Variants in FLNB observed in about 807,000 individuals in gnomAD.
The protein encoded by FLNB is filamin-B.
FLNB carries 111 observed loss-of-function variants against 250.6 expected under a neutral mutation model. That is an observed-to-expected ratio of 0.44 (90% CI 0.38 to 0.52). The LOEUF (loss-of-function observed/expected upper bound fraction) is 0.52, where lower values mean the gene tolerates loss of function less well. Ranked by LOEUF, FLNB falls within the 20% of genes least tolerant of loss-of-function variation. The pLI is 0.00. For synonymous variants in FLNB, 1,302 were observed against 1,372.1 expected, an observed-to-expected ratio of 0.95 and a Z score of 1.13; for missense variants, 2,869 against 3,447.8, an observed-to-expected ratio of 0.83 and a Z score of 4.20.
At chr3:58,082,519 T>C (rs6768856) in intron 4 of FLNB, among the ~76,000 whole-genome samples, 69,756 of 151,858 alleles carry the variant, frequency 0.46, 18,160 homozygotes, top group East Asian at 0.98. Flanking sequence ...GCCTATAATC[T>C]CAGCACTTTG....
chr3:58,147,042 C>A lies in FLNB; in HGVS notation c.5728+49C>A, dbSNP rs781012054. Reference sequence around the variant, plus strand: ...TCTTCCTCGTGGGAAGTATGGCTGCCTCTGACTGCCACCCTCCTTATCAGA... The same window carrying A: ...TCTTCCTCGTGGGAAGTATGGCTGCATCTGACTGCCACCCTCCTTATCAGA... On this transcript the variant is annotated intron_variant, in intron 34 of 45. Coordinates refer to ENST00000295956, the MANE Select transcript of FLNB (RefSeq NM_001457.4). 6.3e-6 allele frequency: 10 copies of A among 1,588,226 alleles called. No homozygotes were observed. In the African/African-American group the frequency reaches 1.3e-4, roughly 21 times the overall value.
At chr3:58,136,209 C>G (rs755762932) in intron 28 of FLNB, 41 bp downstream of exon 28, 74 of 1,600,896 alleles carry the variant, frequency 4.6e-5, no homozygotes, top group Non-Finnish European at 6.2e-5. Flanking sequence ...ACAGGCTTTG[C>G]AATCAGAAAG....
chr3:58,153,579 G>T lies in FLNB; in HGVS notation c.6572G>T (p.Gly2191Val), dbSNP rs571337462. ...TTCACCGTGGGGCCACTTGGTGAAG[G>T]AGGCGCCCACAAGGTGCGGGCAGGA... is the stretch of plus-strand genomic sequence containing the variant. The part of the protein sequence containing the change: ...FQFTVGPLGE[G>V]GAHKVRAGGP... The change falls in exon 39 of 46, where the codon GGA becomes GTA. Residue 2191 changes from glycine (G) to valine (V), a missense_variant. Transcript: ENST00000295956. 6.2e-7 allele frequency: 1 copy of T among 1,614,158 alleles called. No homozygotes were observed. Among genetic ancestry groups the T allele is most frequent in the Non-Finnish European group, 8.5e-7 (1 of 1,180,040 alleles).
intron 45 of FLNB, among the ~76,000 whole-genome samples, chr3:58,170,174 A>G (rs973541934): frequency 1.3e-5 from 2 of 152,186 alleles, no homozygotes; most frequent in African/African-American, 4.8e-5. Flanking sequence ...TCTCGGAAGT[A>G]CCTTCCTTAA....
At position 58,008,539 on chromosome 3, in the gene FLNB, C is replaced by A. The variant is rs879383523; in HGVS notation, c.-26C>A. On this transcript the variant is annotated 5_prime_UTR_variant, in exon 1 of 46. Transcript: ENST00000295956. ...AACACCAGTCCCCGGCAGCTCGTTG[C>A]GCATTGCGCTCTCCCCGCCACCAGG... The A allele has an allele frequency of 1.3e-6, 2 of 1,566,072 alleles. No homozygotes were observed. Among genetic ancestry groups the A allele is most frequent in the African/African-American group, 1.4e-5 (1 of 73,664 alleles).
At chr3:58,156,096 C>T in intron 41 of FLNB, 21 bp downstream of exon 41, 1 of 1,587,304 alleles carries the variant, frequency 6.3e-7, no homozygotes, top group East Asian at 2.2e-5. Context: ...AGGAAGCATC[C>T]ATCTCCTTGG....
At chr3:58,038,777 T>G (rs1204787356) in intron 1 of FLNB, among the ~76,000 whole-genome samples, 1 of 152,094 alleles carries the variant, frequency 6.6e-6, no homozygotes, top group Admixed American at 6.6e-5. Context: ...CAGTTACTAC[T>G]TGCAGGCATC....
chr3:58,097,831 C>T lies in FLNB; in HGVS notation c.1001C>T (p.Ala334Val). The T allele has an allele frequency of 6.2e-7, 1 of 1,613,990 alleles. No individual in the cohort carries two copies. Among genetic ancestry groups the T allele is most frequent in the South Asian group, 1.1e-5 (1 of 91,056 alleles). The change falls in exon 7 of 46, where the codon GCA becomes GTA. Residue 334 changes from alanine (A) to valine (V), a missense_variant. Physicochemically the swap from Ala to Val is moderately conservative, Grantham distance 64. Around this residue, in one of 5 missense-constraint regions of FLNB, gnomAD observed 308 missense variants for 466.1 expected, o/e 0.66. Coordinates refer to ENST00000295956, the MANE Select transcript of FLNB (RefSeq NM_001457.4). ...TGLHKVTVLFAGQHISKSPFE... is the reference protein window; with the variant it reads ...TGLHKVTVLFVGQHISKSPFE... ...CACCTATAGGTCACAGTCCTCTTTGCAGGACAGCACATCTCCAAGAGCCCA... is the reference window on the plus strand; with the variant it reads ...CACCTATAGGTCACAGTCCTCTTTGTAGGACAGCACATCTCCAAGAGCCCA...
intron 1 of FLNB, among the ~76,000 whole-genome samples, chr3:58,017,985 G>T: frequency 6.6e-6 from 1 of 152,118 alleles, no homozygotes; most frequent in Non-Finnish European, 1.5e-5. Flanking sequence ...GAGGACCCTT[G>T]TCCTCCTACA....
At chr3:58,040,556 C>A (rs9681987) in intron 1 of FLNB, among the ~76,000 whole-genome samples, 6,240 of 152,216 alleles carry the variant, frequency 0.041, 405 homozygotes, top group African/African-American at 0.14. Flanking sequence ...GTGCAGTGGC[C>A]TGATCTCGGC....
rs959281401 is a variant in FLNB, at chr3:58,123,793, G to C, written c.3724+103G>C. ...AAACTCAGCCACCTGCAGGAGCCAG[G>C]TGACATATAAGGCGGTGCTCACCTG... On this transcript the variant is annotated intron_variant, in intron 21 of 45. Transcript: ENST00000295956. 3.2e-5 allele frequency: 32 copies of C among 992,734 alleles called. 1 individual carries two copies. Among genetic ancestry groups the C allele is most frequent in the Non-Finnish European group, 4.5e-5 (30 of 660,894 alleles). 61.5% of individuals were successfully genotyped at this position (992,734 alleles called of 1,614,324 possible).
intron 20 of FLNB, among the ~76,000 whole-genome samples, 171 bp from the exon 21 acceptor site, chr3:58,122,922 G>T (rs540252336): frequency 6.6e-6 from 1 of 152,306 alleles, no homozygotes; most frequent in South Asian, 2.1e-4. Flanking sequence ...GGCATTTGCT[G>T]CATTGACTGT....
At chr3:58,064,920 G>T (rs1559668129) in intron 1 of FLNB, among the ~76,000 whole-genome samples, 1 of 152,152 alleles carries the variant, frequency 6.6e-6, no homozygotes, top group Non-Finnish European at 1.5e-5. Context: ...GGTGTCTGTA[G>T]TCCCAGCTAC....
intron 24 of FLNB, among the ~76,000 whole-genome samples, chr3:58,129,209 G>T (rs543133104): frequency 1.6e-4 from 25 of 152,320 alleles, no homozygotes; most frequent in Non-Finnish European, 2.5e-4. Flanking sequence ...TAGGCCAGCT[G>T]TGGTTGGTTG....
At chr3:58,090,952 C>A (rs566630163) in intron 4 of FLNB, among the ~76,000 whole-genome samples, 1 of 152,128 alleles carries the variant, frequency 6.6e-6, no homozygotes, top group Non-Finnish European at 1.5e-5. Context: ...GTGGTGGGTG[C>A]CTGTAGTCCC....
chr3:58,039,169 T>C (rs2097142555), intron 1 of FLNB, among the ~76,000 whole-genome samples: 1 of 144,112 alleles, frequency 6.9e-6, no homozygotes, highest in Admixed American at 7.1e-5. Context: ...CCAGCCTGGA[T>C]AACATAGCGA....
intron 1 of FLNB, among the ~76,000 whole-genome samples, chr3:58,040,503 ATTG>A (rs2097144622): frequency 6.6e-6 from 1 of 151,744 alleles, no homozygotes; most frequent in Non-Finnish European, 1.5e-5. Context: ...TCTTTTTTTT[ATTG>A]TTGTTGAGAT....
chr3:58,124,492 A>T lies in FLNB; in HGVS notation c.3885A>T (p.Thr1295=). The change falls in exon 22 of 46, where the codon ACA becomes ACT. Residue 1295 remains threonine (T), a synonymous_variant. Coordinates refer to ENST00000295956, the MANE Select transcript of FLNB (RefSeq NM_001457.4). The part of the protein sequence containing the change: ...NADGTYQVEY[T]PFEKGLHVVE... Reference sequence around the variant, plus strand: ...ATGGGACCTACCAGGTGGAATACACACCCTTTGAGAAAGGTGAGCCGCCCT... The same window carrying T: ...ATGGGACCTACCAGGTGGAATACACTCCCTTTGAGAAAGGTGAGCCGCCCT... 1 of 1,614,108 alleles carries T rather than the reference A, an allele frequency of 6.2e-7. No individual in the cohort carries two copies. Among genetic ancestry groups the T allele is most frequent in the Non-Finnish European group, 8.5e-7 (1 of 1,180,002 alleles).
At chr3:58,113,868 G>A (rs1437838328) in intron 18 of FLNB, among the ~76,000 whole-genome samples, 2 of 151,924 alleles carry the variant, frequency 1.3e-5, no homozygotes, top group Non-Finnish European at 2.9e-5. Flanking sequence ...TGGTAGAGAC[G>A]GGGTTTCGCC....
Sources: allele counts gnomAD v4.1 joint callset (sites outside exome capture counted in the v4.1 genomes callset), GRCh38; gene constraint gnomAD v4.1.1; regional missense constraint gnomAD v4.1.1; transcripts MANE v1.5; gene names NCBI Gene and HGNC (gene_info 2026-07-23, HGNC 2026-07-21).